The following DISC1 variants were observed in gnomAD, a reference collection of about 807,000 sequenced individuals.
DISC1 encodes the protein disrupted in schizophrenia 1 protein.
DISC1 carries 57 observed loss-of-function variants against 84.5 expected under a neutral mutation model. The observed-to-expected ratio is 0.67, with a 90% CI of 0.55 to 0.84. The LOEUF (loss-of-function observed/expected upper bound fraction) is 0.84, where lower values mean the gene tolerates loss of function less well. Among genes scored for constraint, DISC1 ranks in the 40% least tolerant of loss-of-function variants. The pLI is 0.00. For missense variants in DISC1, 1,000 were observed against 1,057.8 expected (o/e 0.95, Z 0.76); for synonymous variants, 411 against 415.2 (o/e 0.99, Z 0.12).
chr1:231,730,788 A>G (rs990869704), intron 3 of DISC1, among the ~76,000 whole-genome samples: 1 of 152,220 alleles, frequency 6.6e-6, no homozygotes, highest in Non-Finnish European at 1.5e-5. Flanking sequence ...AGAATTGGTC[A>G]TTTATCAGCT....
At chr1:231,879,491 G>T (rs1281932165) in intron 9 of DISC1, among the ~76,000 whole-genome samples, 1 of 151,942 alleles carries the variant, frequency 6.6e-6, no homozygotes, top group African/African-American at 2.4e-5. Context: ...GCTTTTCAAA[G>T]ACCATATGGC....
intron 3 of DISC1, among the ~76,000 whole-genome samples, chr1:231,742,546 G>A (rs546986719): frequency 6.6e-6 from 1 of 152,258 alleles, no homozygotes; most frequent in South Asian, 2.1e-4. Flanking sequence ...GCCGAGGCAG[G>A]AAGATCACTT....
rs1178923742 is a variant in DISC1 at position 231,693,791 on chromosome 1, C to T, written c.68-35C>T. The T allele has an allele frequency of 1.9e-6, 3 of 1,611,748 alleles. No individual in the cohort carries two copies. In the African/African-American group the frequency reaches 4.0e-5, roughly 22 times the overall value. ...GTTCCAGCTGGGCCAGTAAGATCTGCATGTTTATGGTGCTGTTTTTTCTTT... is the reference window on the plus strand; with the variant it reads ...GTTCCAGCTGGGCCAGTAAGATCTGTATGTTTATGGTGCTGTTTTTTCTTT... On this transcript the variant is annotated intron_variant, in intron 1 of 12. Coordinates refer to ENST00000439617, the MANE Select transcript of DISC1 (RefSeq NM_018662.3).
intron 1 of DISC1, among the ~76,000 whole-genome samples, chr1:231,655,372 G>T (rs1210313288): frequency 6.6e-6 from 1 of 152,150 alleles, no homozygotes; most frequent in African/African-American, 2.4e-5. Context: ...TCCTGAGTTA[G>T]TTCACTTAGA....
chr1:231,938,319 G>A (rs978003089), intron 9 of DISC1, among the ~76,000 whole-genome samples: 1 of 152,170 alleles, frequency 6.6e-6, no homozygotes, highest in Non-Finnish European at 1.5e-5. Flanking sequence ...GGGCACAGGA[G>A]GAGCCATGAG....
At chr1:231,656,052 TTACTC>T (rs969685464) in intron 1 of DISC1, among the ~76,000 whole-genome samples, 1 of 152,214 alleles carries the variant, frequency 6.6e-6, no homozygotes, top group African/African-American at 2.4e-5. Context: ...AGTTGTGTGT[TTACTC>T]TAATGATTAT....
intron 6 of DISC1, among the ~76,000 whole-genome samples, chr1:231,773,627 G>A (rs1328976678): frequency 6.6e-6 from 1 of 152,130 alleles, no homozygotes; most frequent in Non-Finnish European, 1.5e-5. Context: ...CTCATGATCT[G>A]CCCTCCTTGG....
intron 3 of DISC1, among the ~76,000 whole-genome samples, chr1:231,728,575 G>A (rs199913418): frequency 3.3e-5 from 5 of 152,214 alleles, no homozygotes; most frequent in Admixed American, 1.3e-4. Context: ...CTTAACCAGT[G>A]AAGAGCCTAA....
chr1:231,715,741 A>G (rs1488838256), intron 3 of DISC1, among the ~76,000 whole-genome samples: 4 of 152,242 alleles, frequency 2.6e-5, no homozygotes, highest in African/African-American at 9.7e-5. Flanking sequence ...AGTCAGTACT[A>G]AAAGCACCTT....
intron 1 of DISC1, among the ~76,000 whole-genome samples, chr1:231,641,905 G>A (rs946518506): frequency 1.3e-5 from 2 of 152,224 alleles, no homozygotes; most frequent in Non-Finnish European, 2.9e-5. Context: ...ATCCCGCACC[G>A]GGGCTACAGG....
intron 9 of DISC1, among the ~76,000 whole-genome samples, chr1:231,854,148 G>A (rs1440439988): frequency 1.3e-5 from 2 of 152,080 alleles, no homozygotes; most frequent in East Asian, 3.9e-4. Context: ...TTCTGCTGGG[G>A]CTTTGTTGTC....
intron 2 of DISC1, among the ~76,000 whole-genome samples, chr1:231,695,201 G>A (rs190518518): frequency 7.2e-5 from 11 of 152,190 alleles, no homozygotes; most frequent in South Asian, 2.1e-4. Context: ...CTATCAGGGC[G>A]ATCCTGCTCT....
intron 9 of DISC1, among the ~76,000 whole-genome samples, chr1:231,855,823 T>C (rs2084228668): frequency 6.6e-6 from 1 of 152,228 alleles, no homozygotes; most frequent in Admixed American, 6.5e-5. Context: ...CCTAGGCACA[T>C]CTTTCTTCCT....
chr1:231,685,620 T>C (rs1647889651), intron 1 of DISC1, among the ~76,000 whole-genome samples: 1 of 152,118 alleles, frequency 6.6e-6, no homozygotes, highest in African/African-American at 2.4e-5. Context: ...GCCCAGCTAA[T>C]TTTTGTATTT....
At position 231,694,799 on chromosome 1, in the gene DISC1, G is replaced by A; in HGVS notation, c.1041G>A (p.Gln347=). 6.2e-7 allele frequency: 1 copy of A among 1,613,626 alleles called. No homozygotes were observed. The highest frequency in any genetic ancestry group is 8.5e-7 in the Non-Finnish European group (1 of 1,179,980). The part of the protein sequence containing the change: ...LRDCLLRNRR[Q]MEVISLRLKL... ...ACTGCCTGCTGAGAAACCGGAGGCA[G>A]ATGGAGGTCAGTGTCTCTTCCACCT... Residue 347 remains glutamine, a synonymous_variant, in exon 2 of 13, where the codon CAG becomes CAA. Coordinates refer to ENST00000439617, the MANE Select transcript of DISC1 (RefSeq NM_018662.3).
intron 3 of DISC1, among the ~76,000 whole-genome samples, chr1:231,707,975 A>C (rs1370910867): frequency 6.6e-6 from 1 of 152,226 alleles, no homozygotes; most frequent in Non-Finnish European, 1.5e-5. Context: ...GTGAGTTTTC[A>C]GTTGTGTCAT....
chr1:231,809,490 G>C (rs1178633143), intron 8 of DISC1, among the ~76,000 whole-genome samples: 1 of 141,828 alleles, frequency 7.1e-6, no homozygotes, highest in East Asian at 2.1e-4. Context: ...AACATAAGAG[G>C]ATGTCTCTGA....
chr1:231,719,613 A>G (rs571419807), intron 3 of DISC1, among the ~76,000 whole-genome samples: 7 of 152,348 alleles, frequency 4.6e-5, no homozygotes, highest in Non-Finnish European at 7.3e-5. Flanking sequence ...TGCATGCTAA[A>G]TATTTGGGTT....
chr1:232,020,429 TC>T (rs1404892929), intron 11 of DISC1, among the ~76,000 whole-genome samples: 2 of 152,220 alleles, frequency 1.3e-5, no homozygotes, highest in Non-Finnish European at 2.9e-5. Context: ...TGAGGATGGT[TC>T]CTAAGACCCC....
Sources: gnomAD v4.1 joint callset for allele counts (sites outside exome capture counted in the v4.1 genomes callset) on GRCh38, gnomAD v4.1.1 for gene constraint, MANE v1.5 for transcripts, NCBI Gene and HGNC (gene_info 2026-07-23, HGNC 2026-07-21) for gene names.